The following ALOX5 variants were observed in gnomAD, a reference collection of about 807,000 sequenced individuals.
The protein encoded by ALOX5 is polyunsaturated fatty acid 5-lipoxygenase.
A neutral mutation model predicts 87.9 loss-of-function variants in ALOX5; 64 were observed. That is an observed-to-expected ratio of 0.73 (90% CI 0.60 to 0.90). The LOEUF (loss-of-function observed/expected upper bound fraction) is 0.90. Among genes scored for constraint, ALOX5 ranks in the 40% least tolerant of loss-of-function variants. The pLI is 0.00. For missense variants in ALOX5, 822 were observed against 907.5 expected, an observed-to-expected ratio of 0.91 and a Z score of 1.21; for synonymous variants, 388 against 355.1, an observed-to-expected ratio of 1.09 and a Z score of -1.04.
At chr10:45,397,731 G>T (rs1274767821) in intron 3 of ALOX5, among the ~76,000 whole-genome samples, 1 of 151,808 alleles carries the variant, frequency 6.6e-6, no homozygotes, top group African/African-American at 2.4e-5. Flanking sequence ...GTAAGAAAAA[G>T]TTCAATTTAC....
At chr10:45,424,681 G>A (rs925882231) in intron 5 of ALOX5, among the ~76,000 whole-genome samples, 2 of 152,122 alleles carry the variant, frequency 1.3e-5, no homozygotes, top group Non-Finnish European at 2.9e-5. Context: ...TCTCCTCCAC[G>A]CCCTCCTTCT....
chr10:45,443,266 C>G, intron 10 of ALOX5, 50 bp downstream of exon 10: 1 of 1,593,890 alleles, frequency 6.3e-7, no homozygotes, highest in Non-Finnish European at 8.6e-7. Context: ...GGACCCCTGC[C>G]TGACTACCTG....
intron 2 of ALOX5, among the ~76,000 whole-genome samples, chr10:45,383,118 C>T (rs1321492187): frequency 6.6e-6 from 1 of 152,196 alleles, no homozygotes; most frequent in Admixed American, 6.5e-5. Flanking sequence ...CCCATGTGGG[C>T]CTAGGGAGGG....
chr10:45,432,096 A>G (rs1193014963), intron 7 of ALOX5, among the ~76,000 whole-genome samples: 2 of 152,070 alleles, frequency 1.3e-5, no homozygotes, highest in African/African-American at 4.8e-5. Flanking sequence ...AAAGATTCAT[A>G]TGGAAAAAGA....
rs150930735 is a variant in ALOX5 at position 45,436,717 on chromosome 10, A to T, written c.982-3713A>T. On this transcript the variant is annotated intron_variant, in intron 7 of 13. Coordinates refer to ENST00000374391, the MANE Select transcript of ALOX5 (RefSeq NM_000698.5). ...CTCCAGCTTTGTATTTTTGCCTAGG[A>T]TTGCTTTGGCTATTCGGCTATTTTT... Among the ~76,000 whole-genome samples the T allele has an allele frequency of 2.5e-3, 381 of 151,760 alleles. 4 individuals carry two copies. The highest frequency in any genetic ancestry group is 8.7e-3 in the African/African-American group (361 of 41,330).
intron 6 of ALOX5, among the ~76,000 whole-genome samples, chr10:45,427,774 C>T (rs1205004012): frequency 6.6e-6 from 1 of 152,210 alleles, no homozygotes; most frequent in Non-Finnish European, 1.5e-5. Context: ...AGGGGCCCCT[C>T]TGCGGGACCC....
At chr10:45,396,076 T>C in intron 3 of ALOX5, 140 bp downstream of exon 3, 3 of 746,948 alleles carry the variant, frequency 4.0e-6, no homozygotes, top group Admixed American at 5.3e-5. Flanking sequence ...CCAGTGTGGG[T>C]GCACAATCCC....
At chr10:45,378,881 G>C (rs2132668405) in intron 1 of ALOX5, among the ~76,000 whole-genome samples, 1 of 152,288 alleles carries the variant, frequency 6.6e-6, no homozygotes, top group South Asian at 2.1e-4. Flanking sequence ...CCCTCCTGCT[G>C]TGGAAGTCCC....
intron 6 of ALOX5, among the ~76,000 whole-genome samples, chr10:45,427,144 A>G (rs141788536): frequency 6.6e-6 from 1 of 152,344 alleles, no homozygotes; most frequent in African/African-American, 2.4e-5. Context: ...GGGATAACAG[A>G]GAAATGCTGC....
intron 7 of ALOX5, among the ~76,000 whole-genome samples, chr10:45,433,636 T>C (rs1267414388): frequency 6.6e-6 from 1 of 152,118 alleles, no homozygotes; most frequent in African/African-American, 2.4e-5. Context: ...GGGTACACAT[T>C]GGTTTTGGCC....
chr10:45,421,874 A>G (rs1220076389), intron 4 of ALOX5, among the ~76,000 whole-genome samples: 2 of 152,196 alleles, frequency 1.3e-5, no homozygotes, highest in African/African-American at 2.4e-5. Context: ...AGGCTGTGCC[A>G]TGGCAACTTC....
chr10:45,443,757 C>T lies in ALOX5; in HGVS notation c.1603C>T (p.Gln535Ter), dbSNP rs1267150286. 2 of 1,612,436 alleles carry T rather than the reference C, an allele frequency of 1.2e-6. No individual in the cohort carries two copies. The highest frequency in any genetic ancestry group is 1.3e-5 in the African/African-American group (1 of 74,994). Residue 535 changes from glutamine (Q) to a stop codon, truncating the protein, a stop_gained, in exon 12 of 14, where the codon CAG (glutamine) becomes TAG (stop). Coordinates refer to ENST00000374391, the MANE Select transcript of ALOX5 (RefSeq NM_000698.5). LOFTEE classifies it high-confidence loss of function. ...GFPKSVKSRE[Q>*]LSEYLTVVIF... ...CCCCAAGTCGGTCAAGAGCCGGGAG[C>T]AGCTGTCGGAGTACCTGACCGTGGT...
chr10:45,444,541 G>A, intron 13 of ALOX5: 2 of 452,248 alleles, frequency 4.4e-6, no homozygotes, highest in Non-Finnish European at 7.7e-6. Flanking sequence ...CGTGTGTGAC[G>A]CCCCCTCCCC....
chr10:45,426,471 C>G (rs188077917), intron 6 of ALOX5, among the ~76,000 whole-genome samples: 26 of 152,372 alleles, frequency 1.7e-4, no homozygotes, highest in Non-Finnish European at 2.9e-4. Context: ...GCCCATCTGG[C>G]AGCACCTTAA....
At chr10:45,374,501 C>A in intron 1 of ALOX5, 72 bp downstream of exon 1, 1 of 1,333,188 alleles carries the variant, frequency 7.5e-7, no homozygotes, top group South Asian at 1.8e-5. Flanking sequence ...CGGCAGAGGC[C>A]TGGGCGGGGG....
In ALOX5 at chr10:45,412,408, T is replaced by A. The variant is rs531087124; in HGVS notation, c.554+95T>A. 24 of 1,520,206 alleles carry A rather than the reference T, an allele frequency of 1.6e-5. No homozygotes were observed. In the South Asian group the frequency reaches 2.9e-4, roughly 18 times the overall value. The allele number at this position is 1,520,206 out of a possible 1,614,324, so 94.2% of individuals were successfully genotyped here. A position where few individuals can be genotyped will look rare whatever the true frequency, so the allele number is the denominator to read the frequency against. The stretch of plus-strand genomic sequence containing the variant: ...CTCCTTTCCTCATGGGGTCCTTGGG[T>A]TGGGGGAACAGCCTAGCTGAGCCAA... On this transcript the variant is annotated intron_variant, in intron 4 of 13. Transcript: ENST00000374391.
chr10:45,388,598 A>G (rs1442463306), intron 2 of ALOX5, among the ~76,000 whole-genome samples: 4 of 152,264 alleles, frequency 2.6e-5, no homozygotes, highest in Admixed American at 1.3e-4. Context: ...GTGGACCTCT[A>G]GCAAACATCA....
At chr10:45,441,772 C>T (rs572887943) in intron 9 of ALOX5, among the ~76,000 whole-genome samples, 15 of 151,986 alleles carry the variant, frequency 9.9e-5, no homozygotes, top group African/African-American at 3.4e-4. Flanking sequence ...CCTGTGTCTG[C>T]CTCTTAATCT....
intron 2 of ALOX5, among the ~76,000 whole-genome samples, chr10:45,394,407 G>C (rs1840420770): frequency 6.6e-6 from 1 of 152,230 alleles, no homozygotes; most frequent in Admixed American, 6.5e-5. Flanking sequence ...GCCATAGGTA[G>C]ACAGCTGAAG....
Sources: gnomAD v4.1 joint callset for allele counts (sites outside exome capture counted in the v4.1 genomes callset) on GRCh38, gnomAD v4.1.1 for gene constraint, MANE v1.5 for transcripts, NCBI Gene and HGNC (gene_info 2026-07-23, HGNC 2026-07-21) for gene names.